DNM1: variants seen among roughly 807,000 people sequenced by gnomAD.
The protein encoded by DNM1 is dynamin-1.
A neutral mutation model predicts 104.6 loss-of-function variants in DNM1; 29 were observed. That is an observed-to-expected ratio of 0.28 (90% CI 0.21 to 0.38). The LOEUF (loss-of-function observed/expected upper bound fraction) is 0.38. DNM1 is among the 10% of genes least tolerant of loss of function. The pLI is 1.00. For synonymous variants in DNM1, 445 were observed against 475.8 expected (o/e 0.94, Z 0.84); for missense variants, 640 against 1,189.4 (o/e 0.54, Z 6.79).
chr9:128,212,825 T>A (rs1834380221), intron 1 of DNM1, among the ~76,000 whole-genome samples: 2 of 152,252 alleles, frequency 1.3e-5, no homozygotes, highest in Non-Finnish European at 1.5e-5. Context: ...CACAATTCAA[T>A]GATCTTTGGT....
intron 19 of DNM1, among the ~76,000 whole-genome samples, chr9:128,249,767 A>G (rs1009939219): frequency 6.6e-6 from 1 of 151,418 alleles, no homozygotes; most frequent in Non-Finnish European, 1.5e-5. Context: ...TTGAGGCTAC[A>G]GTGAGTGGTA....
Position 128,224,468 on chromosome 9 carries a change from C to A in DNM1, c.1335+79C>A, listed in dbSNP as rs1354493173. ...TGCCAGGCGCTCCTTCCCCATGTCC[C>A]CCCCTGCCTCCTCGGTAGCATGTAC... On this transcript the variant is annotated intron_variant, in intron 10 of 21. Coordinates refer to ENST00000372923, the MANE Select transcript of DNM1 (RefSeq NM_004408.4). The surrounding 1 kb of genome is among the most constrained non-coding windows in gnomAD (Gnocchi z 4.3). 2.1e-6 allele frequency: 3 copies of A among 1,420,110 alleles called. No homozygotes were observed. Among genetic ancestry groups the A allele is most frequent in the African/African-American group, 2.8e-5 (2 of 71,120 alleles). The allele number at this position is 1,420,110 out of a possible 1,614,324, so 88.0% of individuals were successfully genotyped here.
At chr9:128,246,215 G>A (rs1052201650) in intron 15 of DNM1, among the ~76,000 whole-genome samples, 179 bp from the exon 16 acceptor site, 2 of 152,164 alleles carry the variant, frequency 1.3e-5, no homozygotes, top group Non-Finnish European at 2.9e-5. Flanking sequence ...TGGCTCTGCG[G>A]GGGTCGGCGG....
At position 128,218,340 on chromosome 9, in the gene DNM1, C is replaced by T. The variant is rs760975099; in HGVS notation, c.235+36C>T. ...TCCTTCACCAGCAGCCAGGCCTGCC[C>T]ACTCCAGCCTCTCCCCCGTCCCCAA... On this transcript the variant is annotated intron_variant, in intron 2 of 21. Coordinates refer to ENST00000372923, the MANE Select transcript of DNM1 (RefSeq NM_004408.4). This position sits in a 1 kb window ranked among gnomAD's most constrained non-coding sequence, Gnocchi z 4.8. 10 of 1,607,868 alleles carry T rather than the reference C, an allele frequency of 6.2e-6. No individual in the cohort carries two copies. In the East Asian group the frequency reaches 2.2e-4, roughly 36 times the overall value.
In DNM1 at chr9:128,247,837, A is replaced by G. The variant is rs1836919911; in HGVS notation, c.1894-87A>G. ...GGGTGCAGTATCCCAGGTTCACTCA[A>G]TCTCTCCCCTTTTCCTCTCTGTGTT... On this transcript the variant is annotated intron_variant, in intron 17 of 21. Coordinates refer to ENST00000372923, the MANE Select transcript of DNM1 (RefSeq NM_004408.4). This position sits in a 1 kb window ranked among gnomAD's most constrained non-coding sequence, Gnocchi z 5.1. 6 of 1,557,776 alleles carry G rather than the reference A, an allele frequency of 3.9e-6. No homozygotes were observed. Among genetic ancestry groups the G allele is most frequent in the African/African-American group, 2.7e-5 (2 of 73,332 alleles).
chr9:128,222,813 A>G lies in DNM1; in HGVS notation c.1149A>G (p.Glu383=), dbSNP rs1392623194. Reference sequence around the variant, plus strand: ...CACAGATGGAGTTTGATGAGAAGGAACTCCGAAGGGAGATCAGCTATGCTA... The same window carrying G: ...CACAGATGGAGTTTGATGAGAAGGAGCTCCGAAGGGAGATCAGCTATGCTA... ...ELVKMEFDEK[E]LRREISYAIK... is the part of the protein sequence containing the mutation. The change falls in exon 9 of 22, where the codon GAA becomes GAG. Residue 383 remains glutamate (E), a synonymous_variant. Transcript: ENST00000372923. This position sits in a 1 kb window ranked among gnomAD's most constrained non-coding sequence, Gnocchi z 7.8. 5 of 1,613,974 alleles carry G rather than the reference A, an allele frequency of 3.1e-6. No individual in the cohort carries two copies.
intron 21 of DNM1, chr9:128,252,916 A>G: frequency 1.4e-6 from 1 of 695,216 alleles, no homozygotes; most frequent in South Asian, 1.5e-5. Context: ...GGGCACTGGG[A>G]GGTGGCGGGG....
rs2131270234 is a variant in DNM1, at chr9:128,243,921, T to TGCTGGGAG, written c.1671+1579_1671+1586dup. Among the ~76,000 whole-genome samples the TGCTGGGAG allele has an allele frequency of 6.6e-6, 1 of 151,034 alleles. No individual in the cohort carries two copies. The highest frequency in any genetic ancestry group is 2.5e-5 in the African/African-American group (1 of 40,748). On this transcript the variant is annotated intron_variant, in intron 15 of 21. Coordinates refer to ENST00000372923, the MANE Select transcript of DNM1 (RefSeq NM_004408.4). The surrounding 1 kb of genome is among the most constrained non-coding windows in gnomAD (Gnocchi z 4.0). Reference sequence around the variant, plus strand: ...ATGGGAGTCAGCTGTGGGCTGTGGGTGCTGGGAGGCGGGGTGTGTTTGTGT... The same window carrying TGCTGGGAG: ...ATGGGAGTCAGCTGTGGGCTGTGGGTGCTGGGAGGCTGGGAGGCGGGGTGTGTTTGTGT...
chr9:128,206,241 C>G (rs540771565), intron 1 of DNM1, among the ~76,000 whole-genome samples: 1 of 152,250 alleles, frequency 6.6e-6, no homozygotes, highest in South Asian at 2.1e-4. Flanking sequence ...TGCCCCAGGC[C>G]CACCCGGGCT....
At position 128,254,170 on chromosome 9, in the gene DNM1, C is replaced by T; in HGVS notation, c.2535-484C>T. On this transcript the variant is annotated intron_variant, in intron 21 of 21. Transcript: ENST00000372923. The surrounding 1 kb of genome is among the most constrained non-coding windows in gnomAD (Gnocchi z 6.1). Reference sequence around the variant, plus strand: ...TGGGTTTTCTGAACACCCAGAGGGGCCTCCGGCGCTCCCTCCAGCCATCCC... The same window carrying T: ...TGGGTTTTCTGAACACCCAGAGGGGTCTCCGGCGCTCCCTCCAGCCATCCC... 1 of 1,309,740 alleles carries T rather than the reference C, an allele frequency of 7.6e-7. No homozygotes were observed. The highest frequency in any genetic ancestry group is 9.6e-7 in the Non-Finnish European group (1 of 1,036,700). The allele number at this position is 1,309,740 out of a possible 1,614,324, so 81.1% of individuals were successfully genotyped here.
intron 10 of DNM1, among the ~76,000 whole-genome samples, chr9:128,231,197 T>TTTA (rs1835667863): frequency 1.5e-5 from 2 of 133,280 alleles, no homozygotes. Context: ...CTTTTGCCTT[T>TTTA]TTTTTTTTTT....
In DNM1 at chr9:128,254,902, C is replaced by T; in HGVS notation, c.*188C>T. 2 of 587,870 alleles carry T rather than the reference C, an allele frequency of 3.4e-6. No individual in the cohort carries two copies. Among genetic ancestry groups the T allele is most frequent in the Non-Finnish European group, 3.0e-6 (1 of 334,656 alleles). The allele number at this position is 587,870 out of a possible 1,614,324, so 36.4% of individuals were successfully genotyped here. A position where few individuals can be genotyped will look rare whatever the true frequency, so the allele number is the denominator to read the frequency against. The stretch of plus-strand genomic sequence containing the variant: ...AACTTGTGCCCCTTCTGTGGTATGC[C>T]CTTGCCCTGTTCTATAAATATCTAT... On this transcript the variant is annotated 3_prime_UTR_variant, in exon 22 of 22. Transcript: ENST00000372923. This position sits in a 1 kb window ranked among gnomAD's most constrained non-coding sequence, Gnocchi z 6.1.
chr9:128,209,467 G>A (rs1262226325), intron 1 of DNM1, among the ~76,000 whole-genome samples: 2 of 152,174 alleles, frequency 1.3e-5, no homozygotes, highest in African/African-American at 4.8e-5. Flanking sequence ...GTGGAGAAAC[G>A]GACGCCCACA....
chr9:128,240,302 G>A lies in DNM1; in HGVS notation c.1557+306G>A. 2.5e-6 allele frequency: 1 copy of A among 407,456 alleles called. No homozygotes were observed. The highest frequency in any genetic ancestry group is 4.5e-6 in the Non-Finnish European group (1 of 224,228). The allele number at this position is 407,456 out of a possible 1,614,324, so 25.2% of individuals were successfully genotyped here. A position where few individuals can be genotyped will look rare whatever the true frequency, so the allele number is the denominator to read the frequency against. ...ACATCTGCTGGATGGAGGGATGCAC[G>A]TGAGCAAGACACATTTTTAAGAAGC... On this transcript the variant is annotated intron_variant, in intron 14 of 21. Transcript: ENST00000372923. This position sits in a 1 kb window ranked among gnomAD's most constrained non-coding sequence, Gnocchi z 5.1.
chr9:128,236,696 T>G (rs988759385), intron 11 of DNM1, among the ~76,000 whole-genome samples: 2 of 151,904 alleles, frequency 1.3e-5, no homozygotes, highest in Admixed American at 1.3e-4. Context: ...ACAAAAAATT[T>G]AAAAAACTAG....
intron 11 of DNM1, 69 bp from the exon 12 acceptor site, chr9:128,239,376 A>C: frequency 8.3e-7 from 1 of 1,209,578 alleles, no homozygotes; most frequent in Non-Finnish European, 1.2e-6. Context: ...CTTTTCTCCC[A>C]GCTTGCCCTG....
chr9:128,203,426 G>A lies in DNM1; in HGVS notation c.-45G>A. 7.1e-7 allele frequency: 1 copy of A among 1,413,228 alleles called. No homozygotes were observed. The highest frequency in any genetic ancestry group is 1.4e-5 in the South Asian group (1 of 70,684). 87.5% of individuals were successfully genotyped at this position (1,413,228 alleles called of 1,614,324 possible). On this transcript the variant is annotated 5_prime_UTR_variant, in exon 1 of 22. Transcript: ENST00000372923. The surrounding 1 kb of genome is among the most constrained non-coding windows in gnomAD (Gnocchi z 5.3). ...GGCGGAGCCGGAGTCGGAGCCGGGA[G>A]CGCTAGCGGCAGCCGGATCGCAGCC...
In DNM1 at chr9:128,220,899, T is replaced by TTCTTTCTTTCTC. The variant is rs1834941191; in HGVS notation, c.849+569_849+570insCTCTTTCTTTCT. Reference sequence around the variant, plus strand: ...TTCTTTATTTGTTTTCTTTCTTTCTTTCTTTCTTTCTTTCTTTCTTTCTTT... The same window carrying TTCTTTCTTTCTC: ...TTCTTTATTTGTTTTCTTTCTTTCTTTCTTTCTTTCTCTCTTTCTTTCTTTCTTTCTTTCTTT... On this transcript the variant is annotated intron_variant, in intron 6 of 21. Coordinates refer to ENST00000372923, the MANE Select transcript of DNM1 (RefSeq NM_004408.4). The surrounding 1 kb of genome is among the most constrained non-coding windows in gnomAD (Gnocchi z 5.2). 7.0e-6 allele frequency among the ~76,000 whole-genome samples: 1 copy of TTCTTTCTTTCTC among 143,340 alleles called. No individual in the cohort carries two copies. Among genetic ancestry groups the TTCTTTCTTTCTC allele is most frequent in the African/African-American group, 2.5e-5 (1 of 39,340 alleles). 94.0% of individuals were successfully genotyped at this position (143,340 alleles called of 152,430 possible).
At position 128,203,755 on chromosome 9, in the gene DNM1, C is replaced by T; in HGVS notation, c.161+124C>T. The stretch of plus-strand genomic sequence containing the variant: ...CGCTGCACCCGCGGCCGGCGCGCCC[C>T]CCACCCCCAGCCGGAGCGAGGAGGC... On this transcript the variant is annotated intron_variant, in intron 1 of 21. Coordinates refer to ENST00000372923, the MANE Select transcript of DNM1 (RefSeq NM_004408.4). The surrounding 1 kb of genome is among the most constrained non-coding windows in gnomAD (Gnocchi z 5.3). 1.1e-6 allele frequency: 1 copy of T among 914,470 alleles called. No individual in the cohort carries two copies. 56.6% of individuals were successfully genotyped at this position (914,470 alleles called of 1,614,324 possible).
Sources: allele counts gnomAD v4.1 joint callset (sites outside exome capture counted in the v4.1 genomes callset), GRCh38; gene constraint gnomAD v4.1.1; non-coding constraint Gnocchi (gnomAD v3.1); transcripts MANE v1.5; gene names NCBI Gene and HGNC (gene_info 2026-07-23, HGNC 2026-07-21).